DST: variants seen among roughly 807,000 people sequenced by gnomAD.
DST encodes the protein dystonin.
A neutral mutation model predicts 875.2 loss-of-function variants in DST; 253 were observed. The observed-to-expected ratio is 0.29, with a 90% CI of 0.26 to 0.32. The LOEUF is 0.32. Among genes scored for constraint, DST ranks in the 10% least tolerant of loss-of-function variants. The pLI, the probability that DST is intolerant of heterozygous loss-of-function variation, is 1.00. For synonymous variants in DST, 3,124 were observed against 3,197.1 expected, an observed-to-expected ratio of 0.98 and a Z score of 0.77; for missense variants, 8,287 against 9,111.6, an observed-to-expected ratio of 0.91 and a Z score of 3.68.
chr6:56,691,072 A>G (rs1294945987), intron 9 of DST, among the ~76,000 whole-genome samples: 1 of 152,186 alleles, frequency 6.6e-6, no homozygotes, highest in Non-Finnish European at 1.5e-5. Context: ...ATTTCCACAT[A>G]TATTTTCCAT....
Position 56,891,906 on chromosome 6 carries a change from C to G in DST, c.417+8515G>C, listed in dbSNP as rs545880777. On this transcript the variant is annotated intron_variant, in intron 3 of 103. Coordinates refer to ENST00000680361, the MANE Select transcript of DST (RefSeq NM_001374736.1). ...CTATTTGCTGCCCTCTAATCTCCCT[C>G]TCTTCCAACAGATCCTTCAGGAGAG... Among the ~76,000 whole-genome samples the G allele has an allele frequency of 3.3e-5, 5 of 152,324 alleles. No homozygotes were observed. The South Asian group carries it at 6.2e-4, about 19-fold the overall frequency.
At chr6:56,465,193 C>T (rs1231807745) in intron 99 of DST, among the ~76,000 whole-genome samples, 1 of 152,148 alleles carries the variant, frequency 6.6e-6, no homozygotes, top group Non-Finnish European at 1.5e-5. Context: ...ACTGATATGT[C>T]TATGTGTACC....
rs1272886808 is a variant in DST, at chr6:56,842,662, G to A, written c.625+8735C>T. ...CTAGTGATGCTGAACCTTTTCTACAGGGCTAACCAATACCCTAGCCAAGCA... is the reference window on the plus strand; with the variant it reads ...CTAGTGATGCTGAACCTTTTCTACAAGGCTAACCAATACCCTAGCCAAGCA... On this transcript the variant is annotated intron_variant, in intron 4 of 103. Coordinates refer to ENST00000680361, the MANE Select transcript of DST (RefSeq NM_001374736.1). Among the ~76,000 whole-genome samples the A allele has an allele frequency of 3.9e-5, 6 of 151,932 alleles. 1 individual carries two copies. Among genetic ancestry groups the A allele is most frequent in the Admixed American group, 3.9e-4 (6 of 15,254 alleles).
intron 4 of DST, among the ~76,000 whole-genome samples, chr6:56,848,170 C>T (rs1264056920): frequency 6.6e-6 from 1 of 152,160 alleles, no homozygotes; most frequent in East Asian, 1.9e-4. Flanking sequence ...TCTTTTGAAA[C>T]TATGACTTTT....
At chr6:56,599,426 T>G (rs1347167854) in intron 45 of DST, among the ~76,000 whole-genome samples, 1 of 152,124 alleles carries the variant, frequency 6.6e-6, no homozygotes, top group South Asian at 2.1e-4. Context: ...CATGACTATG[T>G]GACCTTAACT....
chr6:56,586,331 A>T (rs531703351), intron 49 of DST, among the ~76,000 whole-genome samples: 201 of 151,736 alleles, frequency 1.3e-3, no homozygotes, highest in Middle Eastern at 3.4e-3. Context: ...GGTTGAATTG[A>T]TCCCTTTACC....
intron 28 of DST, 81 bp from the exon 29 acceptor site, chr6:56,632,121 T>C: frequency 1.9e-6 from 2 of 1,074,796 alleles, no homozygotes; most frequent in Non-Finnish European, 2.8e-6. Context: ...ATGAGAATTT[T>C]ATATTACTGG....
In DST at chr6:56,526,656, G is replaced by A. The variant is rs77285065; in HGVS notation, c.17923-89C>T. 2,515 of 1,189,928 alleles carry A rather than the reference G, an allele frequency of 2.1e-3. 45 individuals are homozygous for A. The African/African-American group carries it at 0.034, about 16-fold the overall frequency. The allele number at this position is 1,189,928 out of a possible 1,614,324, so 73.7% of individuals were successfully genotyped here. A position where few individuals can be genotyped will look rare whatever the true frequency, so the allele number is the denominator to read the frequency against. ...CTTGGAGCTCAAGTCCTTTGCAGGC[G>A]AATAATGTGATGCTTTGCCCCACTC... On this transcript the variant is annotated intron_variant, in intron 68 of 103. Coordinates refer to ENST00000680361, the MANE Select transcript of DST (RefSeq NM_001374736.1).
intron 79 of DST, 94 bp from the exon 80 acceptor site, chr6:56,501,329 T>A (rs2096114825): frequency 7.4e-7 from 1 of 1,360,298 alleles, no homozygotes; most frequent in South Asian, 1.5e-5. Context: ...TTTCATGTTG[T>A]ATAAGTCCAT....
chr6:56,583,446 T>C (rs1461849002), intron 49 of DST, among the ~76,000 whole-genome samples: 1 of 152,206 alleles, frequency 6.6e-6, no homozygotes, highest in East Asian at 1.9e-4. Flanking sequence ...TGGGGTTGTT[T>C]GTTTTTTTCC....
chr6:56,899,347 A>G (rs970463511), intron 3 of DST, among the ~76,000 whole-genome samples: 47 of 152,286 alleles, frequency 3.1e-4, no homozygotes, highest in African/African-American at 1.1e-3. Flanking sequence ...TCATTTCTAA[A>G]TATGTACTTT....
intron 92 of DST, among the ~76,000 whole-genome samples, chr6:56,475,351 AC>A (rs2095127447): frequency 6.6e-6 from 1 of 151,866 alleles, no homozygotes. Context: ...GACCTGGTAC[AC>A]TTAGAGCCAT....
chr6:56,603,966 G>A lies in DST; in HGVS notation c.10662C>T (p.Ser3554=), dbSNP rs1185000791. The A allele has an allele frequency of 1.9e-6, 3 of 1,610,738 alleles. No individual in the cohort carries two copies. The highest frequency in any genetic ancestry group is 3.4e-5 in the Admixed American group (2 of 59,548). ...GCAATGTTGATGCCCACACAGTAGA[G>A]CTTTCTAGTCCAATTTCTTTTACAG... ...LETVKEIGLE[S]STVWASTLPR... The change falls in exon 40 of 104, where the codon AGC becomes AGT. Residue 3554 remains serine, a synonymous_variant. Transcript: ENST00000680361.
At chr6:56,951,670 C>A (rs1822392377) in intron 2 of DST, among the ~76,000 whole-genome samples, 1 of 152,178 alleles carries the variant, frequency 6.6e-6, no homozygotes, top group Admixed American at 6.5e-5. Flanking sequence ...TTATAAATGG[C>A]ATTCTTTGAG....
intron 3 of DST, among the ~76,000 whole-genome samples, chr6:56,857,688 A>C (rs2127587721): frequency 6.6e-6 from 1 of 152,372 alleles, no homozygotes; most frequent in South Asian, 2.1e-4. Flanking sequence ...AGGAAAATCA[A>C]AGATACAATT....
chr6:56,562,434 T>C (rs753209845), intron 55 of DST, among the ~76,000 whole-genome samples: 4 of 151,854 alleles, frequency 2.6e-5, no homozygotes, highest in Non-Finnish European at 5.9e-5. Context: ...TTATATTATA[T>C]AAATTAATCA....
chr6:56,795,561 T>C (rs1328664198), intron 4 of DST, among the ~76,000 whole-genome samples: 1 of 152,092 alleles, frequency 6.6e-6, no homozygotes, highest in Admixed American at 6.6e-5. Flanking sequence ...AAAACAGTAG[T>C]TCTCAACTCT....
Position 56,670,794 on chromosome 6 carries a change from T to C in DST, c.1061A>G (p.His354Arg), listed in dbSNP as rs1479112574. The C allele has an allele frequency of 1.3e-6, 2 of 1,594,084 alleles. No homozygotes were observed. The highest frequency in any genetic ancestry group is 2.3e-5 in the East Asian group (1 of 43,918). Residue 354 changes from histidine (H) to arginine (R), a missense_variant, in exon 10 of 104, where the codon CAT becomes CGT. By Grantham distance (29) the His-to-Arg change is conservative (BLOSUM62 0). Around this residue, in one of 10 missense-constraint regions of DST, gnomAD observed 1,160 missense variants for 1,424.3 expected, o/e 0.81. Coordinates refer to ENST00000680361, the MANE Select transcript of DST (RefSeq NM_001374736.1). ...IILHFQISDI[H>R]VTGESEDMSA... ...CATATCCTCTGACTCTCCAGTAACA[T>C]GGATATCAGATATCTAGATATAACA... is the stretch of plus-strand genomic sequence containing the variant.
At position 56,711,873 on chromosome 6, in the gene DST, C is replaced by T. The variant is rs530719518; in HGVS notation, c.688-7504G>A. Among the ~76,000 whole-genome samples, 367 of 151,902 alleles carry T rather than the reference C, an allele frequency of 2.4e-3. 1 individual carries two copies. The highest frequency in any genetic ancestry group is 8.5e-3 in the African/African-American group (351 of 41,428). On this transcript the variant is annotated intron_variant, in intron 5 of 103. Coordinates refer to ENST00000680361, the MANE Select transcript of DST (RefSeq NM_001374736.1). ...TTGGGAGGCCGAGGCGGGCGGATCA[C>T]GAGGTCAGGAGATCGAGACCATCCC...
Sources: gnomAD v4.1 joint callset for allele counts (sites outside exome capture counted in the v4.1 genomes callset) on GRCh38, gnomAD v4.1.1 for gene constraint, gnomAD v4.1.1 regional missense constraint, MANE v1.5 for transcripts, NCBI Gene and HGNC (gene_info 2026-07-23, HGNC 2026-07-21) for gene names.